ST3GAL3: variants seen among roughly 807,000 people sequenced by gnomAD.
The protein encoded by ST3GAL3 is ST3 beta-galactoside alpha-2,3-sialyltransferase 3.
Under a neutral mutation model 50.1 loss-of-function variants are expected in ST3GAL3, and 21 were observed. That is an observed-to-expected ratio of 0.42 (90% CI 0.30 to 0.60). ST3GAL3 has a LOEUF of 0.60. Ranked by LOEUF, ST3GAL3 falls within the 20% of genes least tolerant of loss-of-function variation. ST3GAL3 has a pLI of 0.19. For synonymous variants in ST3GAL3, 183 were observed against 190.0 expected (o/e 0.96, Z 0.30); for missense variants, 353 against 489.4 (o/e 0.72, Z 2.63).
At chr1:43,901,251 G>A (rs1369584580) in intron 9 of ST3GAL3, among the ~76,000 whole-genome samples, 3 of 152,210 alleles carry the variant, frequency 2.0e-5, no homozygotes, top group East Asian at 1.9e-4. Context: ...CTGCCCATGG[G>A]CACCTGTCAC....
chr1:43,848,594 C>T (rs2367804), intron 5 of ST3GAL3, among the ~76,000 whole-genome samples: 81,406 of 151,884 alleles, frequency 0.54, 26,029 homozygotes, highest in Non-Finnish European at 0.72. Context: ...TGTGAGCCAC[C>T]GTGCCTGGCT....
intron 9 of ST3GAL3, among the ~76,000 whole-genome samples, chr1:43,905,032 T>A (rs1222125328): frequency 1.9e-3 from 157 of 84,338 alleles, no homozygotes; most frequent in Middle Eastern, 7.7e-3. Flanking sequence ...TTCCTCCTCC[T>A]CCCCCTGCTC....
chr1:43,886,335 C>G (rs2075983524), intron 5 of ST3GAL3, among the ~76,000 whole-genome samples: 1 of 152,138 alleles, frequency 6.6e-6, no homozygotes, highest in African/African-American at 2.4e-5. Flanking sequence ...GAGCCAAGAT[C>G]ACACCACTGC....
intron 6 of ST3GAL3, 94 bp downstream of exon 6, chr1:43,894,571 T>G: frequency 9.0e-7 from 1 of 1,112,992 alleles, no homozygotes; most frequent in Non-Finnish European, 1.4e-6. Context: ...GTCCCCATGC[T>G]GAGAATCCAC....
At chr1:43,719,355 C>T (rs528146417) in intron 1 of ST3GAL3, among the ~76,000 whole-genome samples, 1 of 152,144 alleles carries the variant, frequency 6.6e-6, no homozygotes, top group Non-Finnish European at 1.5e-5. Flanking sequence ...ATCAAAACAG[C>T]AGATAAGAAT....
intron 9 of ST3GAL3, among the ~76,000 whole-genome samples, chr1:43,917,814 G>A (rs997741440): frequency 6.9e-6 from 1 of 144,666 alleles, no homozygotes; most frequent in Admixed American, 7.4e-5. Context: ...GACTACAGGT[G>A]TATACCACCA....
rs1661950933 is a variant in ST3GAL3, at chr1:43,707,609, TCGCCGCCGCCTA to T, written c.-108_-97del. On this transcript the variant is annotated 5_prime_UTR_variant, in exon 1 of 12. Transcript: ENST00000347631. ...CTCCCGCCGGGGTCCCCCGCGGCTG[TCGCCGCCGCCTA>T]CGCCGCTGCCTCCGCCTTCCTGCCC... The T allele has an allele frequency of 6.6e-6, 1 of 152,550 alleles. No individual in the cohort carries two copies. The highest frequency in any genetic ancestry group is 2.4e-5 in the African/African-American group (1 of 41,364). 9.4% of individuals were successfully genotyped at this position (152,550 alleles called of 1,614,324 possible).
intron 2 of ST3GAL3, among the ~76,000 whole-genome samples, chr1:43,754,870 A>C (rs1328854512): frequency 6.6e-6 from 1 of 151,754 alleles, no homozygotes; most frequent in Non-Finnish European, 1.5e-5. Flanking sequence ...GAATTGCTTG[A>C]GTTTGTGAGG....
chr1:43,901,721 T>C (rs1011788532), intron 9 of ST3GAL3, among the ~76,000 whole-genome samples: 1 of 152,136 alleles, frequency 6.6e-6, no homozygotes, highest in Non-Finnish European at 1.5e-5. Flanking sequence ...GGCTCACTCT[T>C]GATGACATCT....
At chr1:43,723,535 G>A (rs1571423409) in intron 1 of ST3GAL3, among the ~76,000 whole-genome samples, 1 of 152,294 alleles carries the variant, frequency 6.6e-6, no homozygotes, top group Non-Finnish European at 1.5e-5. Context: ...AGAACTGTAA[G>A]CCAAATAAAC....
intron 4 of ST3GAL3, among the ~76,000 whole-genome samples, chr1:43,833,020 C>T (rs1276017698): frequency 6.6e-6 from 1 of 152,178 alleles, no homozygotes. Context: ...CTTCTTTTCT[C>T]ATAAGGAATG....
intron 5 of ST3GAL3, among the ~76,000 whole-genome samples, chr1:43,855,285 A>G (rs948514225): frequency 1.3e-4 from 20 of 152,256 alleles, no homozygotes; most frequent in African/African-American, 3.6e-4. Context: ...AAAAGACACA[A>G]TCATGAACAC....
intron 4 of ST3GAL3, among the ~76,000 whole-genome samples, chr1:43,816,254 CT>C (rs1300050622): frequency 6.6e-6 from 1 of 152,138 alleles, no homozygotes; most frequent in Non-Finnish European, 1.5e-5. Flanking sequence ...AAACCAGGGG[CT>C]GGTTGGTTTT....
At chr1:43,902,085 C>G (rs1035867996) in intron 9 of ST3GAL3, among the ~76,000 whole-genome samples, 1 of 152,242 alleles carries the variant, frequency 6.6e-6, no homozygotes, top group Non-Finnish European at 1.5e-5. Flanking sequence ...TCCCTGGCAT[C>G]TGAGACCCAG....
rs1448699021 is a variant in ST3GAL3 at position 43,899,614 on chromosome 1, G to A, written c.631G>A (p.Glu211Lys). The A allele has an allele frequency of 1.9e-6, 3 of 1,614,032 alleles. No individual in the cohort carries two copies. Among genetic ancestry groups the A allele is most frequent in the African/African-American group, 1.3e-5 (1 of 74,940 alleles). The change falls in exon 9 of 12, where the codon GAG becomes AAG. Residue 211 changes from glutamate (E) to lysine (K), a missense_variant. Physicochemically the swap from Glu to Lys is moderately conservative, Grantham distance 56 (BLOSUM62 1). Coordinates refer to ENST00000347631, the MANE Select transcript of ST3GAL3 (RefSeq NM_006279.5). The surrounding 1 kb of genome is among the most constrained non-coding windows in gnomAD (Gnocchi z 5.4). Reference protein sequence around the residue: ...SKTTLRITYPEGAMQRPEQYE... With the variant: ...SKTTLRITYPKGAMQRPEQYE... ...AACGACACTGCGCATCACCTACCCC[G>A]AGGGCGCCATGCAGCGGCCTGAGCA...
chr1:43,775,978 T>A (rs1697094240), intron 2 of ST3GAL3, among the ~76,000 whole-genome samples: 1 of 152,154 alleles, frequency 6.6e-6, no homozygotes, highest in African/African-American at 2.4e-5. Context: ...TCCCTGGAGG[T>A]GAGGTGACCT....
At chr1:43,843,738 A>T (rs1005157066) in intron 5 of ST3GAL3, among the ~76,000 whole-genome samples, 1 of 152,228 alleles carries the variant, frequency 6.6e-6, no homozygotes, top group African/African-American at 2.4e-5. Context: ...CTCTATTCTC[A>T]TGCGCCACTG....
intron 4 of ST3GAL3, 83 bp downstream of exon 4, chr1:43,815,016 T>A (rs2061060393): frequency 7.2e-7 from 1 of 1,383,898 alleles, no homozygotes; most frequent in East Asian, 2.3e-5. Flanking sequence ...TCAGCTCTCA[T>A]CACTCTTCTG....
chr1:43,743,847 C>CA (rs1331434151), intron 2 of ST3GAL3: 1 of 155,314 alleles, frequency 6.4e-6, no homozygotes, highest in African/African-American at 2.6e-5. Context: ...TTTCATTCCC[C>CA]CCCCCCCCAT....
Sources: allele counts gnomAD v4.1 joint callset (sites outside exome capture counted in the v4.1 genomes callset), GRCh38; gene constraint gnomAD v4.1.1; non-coding constraint Gnocchi (gnomAD v3.1); transcripts MANE v1.5; gene names NCBI Gene and HGNC (gene_info 2026-07-23, HGNC 2026-07-21).